ZPBP: variants seen among roughly 807,000 people sequenced by gnomAD.
The protein encoded by ZPBP is zona pellucida-binding protein 1.
Under a neutral mutation model 44.8 loss-of-function variants are expected in ZPBP, and 26 were observed. The observed-to-expected ratio is 0.58, with a 90% CI of 0.43 to 0.81. The LOEUF (loss-of-function observed/expected upper bound fraction) is 0.81, where lower values mean the gene tolerates loss of function less well. Among genes scored for constraint, ZPBP ranks in the 30% least tolerant of loss-of-function variants. The pLI is 0.00. For synonymous variants in ZPBP, 174 were observed against 153.2 expected (o/e 1.14, Z -1.00); for missense variants, 409 against 434.0 (o/e 0.94, Z 0.51).
chr7:49,931,737 A>G (rs1671474017), intron 1 of ZPBP, among the ~76,000 whole-genome samples: 1 of 152,248 alleles, frequency 6.6e-6, no homozygotes, highest in African/African-American at 2.4e-5. Context: ...AATCACCAAG[A>G]CAATAGGATA....
At chr7:50,049,174 C>A (rs899040774) in intron 4 of ZPBP, among the ~76,000 whole-genome samples, 6 of 151,864 alleles carry the variant, frequency 4.0e-5, no homozygotes, top group Admixed American at 6.6e-5. Context: ...AATTAGTAAT[C>A]AAAAAACTAC....
At chr7:49,944,282 C>A in intron 7 of ZPBP, 1 of 320,814 alleles carries the variant, frequency 3.1e-6, no homozygotes, top group Admixed American at 3.6e-5. Flanking sequence ...GATCTTACCA[C>A]AGCTGTTCTT....
intron 3 of ZPBP, among the ~76,000 whole-genome samples, chr7:50,075,538 G>A (rs1297128003): frequency 6.6e-6 from 1 of 151,504 alleles, no homozygotes; most frequent in East Asian, 1.9e-4. Context: ...AAAGAGAGAA[G>A]ATCCAAATAA....
chr7:49,978,711 A>G (rs901003716), intron 7 of ZPBP, among the ~76,000 whole-genome samples: 3 of 151,978 alleles, frequency 2.0e-5, no homozygotes, highest in African/African-American at 2.4e-5. Flanking sequence ...ATGGATTTTA[A>G]ATTCATTTAC....
intron 2 of ZPBP, among the ~76,000 whole-genome samples, chr7:49,859,820 ACACACT>A (rs1476622032): frequency 1.4e-5 from 2 of 143,054 alleles, no homozygotes; most frequent in African/African-American, 5.3e-5. Context: ...ACACACACAC[ACACACT>A]CACTCTGCTG....
intron 7 of ZPBP, among the ~76,000 whole-genome samples, chr7:49,963,092 G>T (rs541545121): frequency 6.6e-6 from 1 of 151,514 alleles, no homozygotes; most frequent in Non-Finnish European, 1.5e-5. Context: ...ATATGAATGT[G>T]CAAAGAGCAA....
intron 4 of ZPBP, among the ~76,000 whole-genome samples, chr7:50,057,576 A>G (rs1445135442): frequency 6.6e-6 from 1 of 152,214 alleles, no homozygotes; most frequent in Admixed American, 6.5e-5. Flanking sequence ...TGTAAGCCTC[A>G]AAAGGTCAAT....
intron 1 of ZPBP, among the ~76,000 whole-genome samples, chr7:49,902,036 TTAAAA>T: frequency 6.6e-6 from 1 of 151,990 alleles, no homozygotes; most frequent in East Asian, 1.9e-4. Flanking sequence ...AAAAATTAAC[TTAAAA>T]TAGATTATAT....
chr7:50,024,317 A>G (rs2128808602), intron 5 of ZPBP, among the ~76,000 whole-genome samples: 1 of 152,170 alleles, frequency 6.6e-6, no homozygotes, highest in East Asian at 1.9e-4. Context: ...TACATATCCA[A>G]AAGAAATGAA....
intron 1 of ZPBP, among the ~76,000 whole-genome samples, chr7:49,930,725 G>A (rs902466256): frequency 6.6e-6 from 1 of 152,108 alleles, no homozygotes; most frequent in Non-Finnish European, 1.5e-5. Context: ...CTACTTCTGA[G>A]TATTTAGCAT....
At chr7:50,068,430 G>GTT (rs113489056) in intron 3 of ZPBP, among the ~76,000 whole-genome samples, 25 of 139,830 alleles carry the variant, frequency 1.8e-4, no homozygotes, top group East Asian at 6.3e-4. Context: ...CTTGGCCAGT[G>GTT]TTTTTTTTTT....
At chr7:50,070,925 G>C (rs1005386964) in intron 3 of ZPBP, among the ~76,000 whole-genome samples, 11 of 152,306 alleles carry the variant, frequency 7.2e-5, no homozygotes, top group African/African-American at 2.4e-4. Context: ...CCTGGGAAAG[G>C]GGGAGAGATA....
At chr7:49,892,226 T>G (rs1792172902) in intron 2 of ZPBP, among the ~76,000 whole-genome samples, 1 of 151,522 alleles carries the variant, frequency 6.6e-6, no homozygotes, top group Non-Finnish European at 1.5e-5. Context: ...TTTTGTATTT[T>G]TAGTAGAGAC....
intron 6 of ZPBP, among the ~76,000 whole-genome samples, chr7:49,996,703 G>C (rs757416070): frequency 2.6e-5 from 4 of 152,178 alleles, no homozygotes; most frequent in Non-Finnish European, 5.9e-5. Flanking sequence ...TATTTTATGA[G>C]TTAGACTTTG....
At chr7:49,848,149 TG>T (rs1297793552), downstream of ZPBP, among the ~76,000 whole-genome samples, 1 of 152,004 alleles carries the variant, frequency 6.6e-6, no homozygotes, top group Non-Finnish European at 1.5e-5. Context: ...GTCTAACCAG[TG>T]GGGGCTGGGG....
chr7:49,985,653 A>C (rs1195168276), intron 6 of ZPBP, among the ~76,000 whole-genome samples: 1 of 145,994 alleles, frequency 6.8e-6, no homozygotes, highest in Non-Finnish European at 1.6e-5. Context: ...AAAAAAAAAA[A>C]AAAAAAACCT....
intron 4 of ZPBP, among the ~76,000 whole-genome samples, chr7:50,051,539 G>A (rs924639716): frequency 2.6e-5 from 4 of 152,022 alleles, no homozygotes; most frequent in Admixed American, 2.6e-4. Context: ...TGTCATTGAA[G>A]GAAAGACATG....
At chr7:49,879,143 G>A (rs771389287) in intron 2 of ZPBP, among the ~76,000 whole-genome samples, 2 of 151,976 alleles carry the variant, frequency 1.3e-5, no homozygotes, top group African/African-American at 2.4e-5. Context: ...TAATGTCAAC[G>A]ACTATATTTC....
At chr7:50,065,890 C>T (rs1801478859) in intron 3 of ZPBP, among the ~76,000 whole-genome samples, 1 of 151,050 alleles carries the variant, frequency 6.6e-6, no homozygotes, top group African/African-American at 2.5e-5. Context: ...TGTAACAGTG[C>T]TGTCTGTCCT....
Sources: allele counts gnomAD v4.1 joint callset (sites outside exome capture counted in the v4.1 genomes callset), GRCh38; gene constraint gnomAD v4.1.1; transcripts MANE v1.5; gene names NCBI Gene and HGNC (gene_info 2026-07-23, HGNC 2026-07-21).